The following SLC6A4 variants were observed in gnomAD, a reference collection of about 807,000 sequenced individuals.
SLC6A4 encodes the protein sodium-dependent serotonin transporter.
In SLC6A4, 22 loss-of-function variants were observed where a neutral mutation model predicts 73.4. The observed-to-expected ratio is 0.30, with a 90% CI of 0.21 to 0.43. SLC6A4 has a LOEUF of 0.43. SLC6A4 is among the 20% of genes least tolerant of loss of function. The pLI is 1.00. For synonymous variants in SLC6A4, 270 were observed against 315.5 expected, an observed-to-expected ratio of 0.86 and a Z score of 1.53; for missense variants, 593 against 808.5, an observed-to-expected ratio of 0.73 and a Z score of 3.23.
intron 1 of SLC6A4, among the ~76,000 whole-genome samples, chr17:30,233,828 C>T (rs1346289630): frequency 6.6e-6 from 1 of 152,166 alleles, no homozygotes; most frequent in Admixed American, 6.5e-5. Context: ...TAAGCTTCTT[C>T]AGGAAGCCCT....
intron 3 of SLC6A4, 70 bp from the exon 4 acceptor site, chr17:30,219,001 C>T: frequency 6.3e-7 from 1 of 1,582,262 alleles, no homozygotes; most frequent in Non-Finnish European, 8.7e-7. Flanking sequence ...CAATCTGTGA[C>T]TGAGAATCAC....
intron 3 of SLC6A4, among the ~76,000 whole-genome samples, chr17:30,220,644 C>T (rs1302190218): frequency 6.6e-6 from 1 of 152,220 alleles, no homozygotes; most frequent in Non-Finnish European, 1.5e-5. Context: ...TCTGACCTCA[C>T]ACAGGTCCAA....
chr17:30,221,761 G>C lies in SLC6A4; in HGVS notation c.198C>G (p.Thr66=), dbSNP rs1473815843. The C allele has an allele frequency of 6.2e-7, 1 of 1,614,140 alleles. No individual in the cohort carries two copies. The highest frequency in any genetic ancestry group is 1.1e-5 in the South Asian group (1 of 91,078). Residue 66 remains threonine (T), a synonymous_variant, in exon 3 of 15, where the codon ACC becomes ACG. Transcript: ENST00000650711. ...GDDTRHSIPA[T]TTTLVAELHQ... is the part of the protein sequence containing the mutation. ...GAAGCTCAGCCACTAGGGTGGTGGT[G>C]GTCGCTGGGATAGAGTGCCGTGTGT...
chr17:30,232,911 C>T (rs1027953554), intron 1 of SLC6A4, among the ~76,000 whole-genome samples: 8 of 152,310 alleles, frequency 5.3e-5, no homozygotes, highest in African/African-American at 1.9e-4. Context: ...CCTGGAAGTA[C>T]GGGGCTGTGC....
In SLC6A4 at chr17:30,222,088, GAA is replaced by G. The variant is rs1254325396; in HGVS notation, c.-123-9_-123-8del. The G allele has an allele frequency of 9.2e-5, 142 of 1,550,198 alleles. No homozygotes were observed. The highest frequency in any genetic ancestry group is 1.2e-4 in the Non-Finnish European group (137 of 1,143,894). ...TGACACGTCGGGATTGACTCTGTTG[GAA>G]AGACACACAGAGGAAGGAGAAAAAA... On this transcript the variant is annotated splice_polypyrimidine_tract_variant and splice_region_variant and intron_variant, in intron 2 of 14. Transcript: ENST00000650711.
At chr17:30,213,887 T>C (rs1240631620) in intron 8 of SLC6A4, among the ~76,000 whole-genome samples, 1 of 151,790 alleles carries the variant, frequency 6.6e-6, no homozygotes, top group Non-Finnish European at 1.5e-5. Context: ...GCTGGGACCA[T>C]AGGCATGCAC....
In SLC6A4 at chr17:30,209,861, C is replaced by T. The variant is rs549770611; in HGVS notation, c.1450-619G>A. Among the ~76,000 whole-genome samples the T allele has an allele frequency of 5.3e-5, 8 of 152,248 alleles. No individual in the cohort carries two copies. In the South Asian group the frequency reaches 1.0e-3, roughly 20 times the overall value. On this transcript the variant is annotated intron_variant, in intron 11 of 14. Coordinates refer to ENST00000650711, the MANE Select transcript of SLC6A4 (RefSeq NM_001045.6). Reference sequence around the variant, plus strand: ...ACTTATTGAACACCTGCTGTGGACACGACCCTGGAGAATCCCTGCCTCTAA... The same window carrying T: ...ACTTATTGAACACCTGCTGTGGACATGACCCTGGAGAATCCCTGCCTCTAA...
At position 30,218,193 on chromosome 17, in the gene SLC6A4, T is replaced by G; in HGVS notation, c.623A>C (p.Asn208Thr). 1 of 1,614,200 alleles carries G rather than the reference T, an allele frequency of 6.2e-7. No homozygotes were observed. Among genetic ancestry groups the G allele is most frequent in the Non-Finnish European group, 8.5e-7 (1 of 1,180,028 alleles). Residue 208 changes from asparagine to threonine, a missense_variant, in exon 5 of 15, where the codon AAC (asparagine) becomes ACC (threonine). Transcript: ENST00000650711. ...GTCCTCGGAGAAGTAATTGGTGCAG[T>G]TGCCAGTGTTCCAGGAGTTCTTGCA... The part of the protein sequence containing the change: ...TSCKNSWNTG[N>T]CTNYFSEDNI...
At chr17:30,214,554 A>G (rs1906492674) in intron 8 of SLC6A4, among the ~76,000 whole-genome samples, 1 of 151,640 alleles carries the variant, frequency 6.6e-6, no homozygotes, top group Admixed American at 6.6e-5. Context: ...TGTTAAACAC[A>G]TTGACTAGTT....
intron 1 of SLC6A4, among the ~76,000 whole-genome samples, chr17:30,226,311 C>T (rs149173864): frequency 4.6e-5 from 7 of 152,316 alleles, no homozygotes; most frequent in African/African-American, 1.7e-4. Context: ...GCTGGTGCCG[C>T]CCGAAGCAGT....
At position 30,221,989 on chromosome 17, in the gene SLC6A4, A is replaced by G. The variant is rs1464694745; in HGVS notation, c.-31T>C. On this transcript the variant is annotated 5_prime_UTR_variant, in exon 3 of 15. The change abolishes an upstream ATG in the 5' untranslated region. Transcript: ENST00000650711. ...TGGTTAGTAAATGACACTGATGTCCATCTGCCAAGGATCCCAATTGATCTC... is the reference window on the plus strand; with the variant it reads ...TGGTTAGTAAATGACACTGATGTCCGTCTGCCAAGGATCCCAATTGATCTC... 2 of 1,613,782 alleles carry G rather than the reference A, an allele frequency of 1.2e-6. No individual in the cohort carries two copies. The highest frequency in any genetic ancestry group is 2.2e-5 in the East Asian group (1 of 44,886).
At chr17:30,234,915 C>G (rs1029301457) in intron 1 of SLC6A4, among the ~76,000 whole-genome samples, 1 of 152,174 alleles carries the variant, frequency 6.6e-6, no homozygotes, top group Non-Finnish European at 1.5e-5. Context: ...AGACCCAAAT[C>G]CACTCTTGAG....
Position 30,216,837 on chromosome 17 carries a change from G to GT in SLC6A4, c.837+328dup, listed in dbSNP as rs888920681. On this transcript the variant is annotated intron_variant, in intron 6 of 14. Transcript: ENST00000650711. ...GCACCTGCCACCACACCTGGCTATT[G>GT]TTTTTTTTTGTTTGTTTGTTTGTTT... is the stretch of plus-strand genomic sequence containing the variant. Among the ~76,000 whole-genome samples the GT allele has an allele frequency of 3.0e-3, 405 of 134,798 alleles. 3 individuals carry two copies. The highest frequency in any genetic ancestry group is 8.4e-3 in the African/African-American group (324 of 38,394). The allele number at this position is 134,798 out of a possible 152,430, so 88.4% of individuals were successfully genotyped here. A position where few individuals can be genotyped will look rare whatever the true frequency, so the allele number is the denominator to read the frequency against.
chr17:30,208,858 ATT>A (rs35246799), intron 12 of SLC6A4, among the ~76,000 whole-genome samples: 1 of 144,036 alleles, frequency 6.9e-6, no homozygotes, highest in African/African-American at 2.6e-5. Flanking sequence ...TGCCCGGCTA[ATT>A]TTTTTTTTTT....
Position 30,203,325 on chromosome 17 carries a change from A to C in SLC6A4, c.1665T>G (p.Ser555Arg). ...SPLFLLFIIC[S>R]FLMSPPQLRL... is the part of the protein sequence containing the mutation. ...GTAGTTGTGGCGGGCTCATCAGAAA[A>C]CTGCAAATGATGAACTAAAACAGAA... Residue 555 changes from serine to arginine, a missense_variant, in exon 14 of 15, where the codon AGT (serine) becomes AGG (arginine). Coordinates refer to ENST00000650711, the MANE Select transcript of SLC6A4 (RefSeq NM_001045.6). 6.2e-7 allele frequency: 1 copy of C among 1,613,390 alleles called. No homozygotes were observed. Among genetic ancestry groups the C allele is most frequent in the Non-Finnish European group, 8.5e-7 (1 of 1,179,742 alleles).
chr17:30,221,412 C>T (rs988677653), intron 3 of SLC6A4, among the ~76,000 whole-genome samples: 1 of 112,510 alleles, frequency 8.9e-6, no homozygotes, highest in Non-Finnish European at 2.0e-5. Context: ...ACAGCCCACC[C>T]GGGTCACAGC....
rs1312487384 is a variant in SLC6A4 at position 30,230,104 on chromosome 17, A to AGAAGAAGAG, written c.-221+5508_-221+5509insCTCTTCTTC. 9.2e-5 allele frequency among the ~76,000 whole-genome samples: 11 copies of AGAAGAAGAG among 119,910 alleles called. No individual in the cohort carries two copies. In the East Asian group the frequency reaches 2.1e-3, roughly 22 times the overall value. 78.7% of individuals were successfully genotyped at this position (119,910 alleles called of 152,430 possible). A position where few individuals can be genotyped will look rare whatever the true frequency, so the allele number is the denominator to read the frequency against. On this transcript the variant is annotated intron_variant, in intron 1 of 14. Transcript: ENST00000650711. ...AAGAAGAAGAAGAAGAAGAGGAGGA[A>AGAAGAAGAG]GAGGAAGAGGAAGAGGAAGAGGAGG...
chr17:30,210,483 G>A lies in SLC6A4; in HGVS notation c.1449+32C>T, dbSNP rs199505595. ...GTAGCGTTCTGCTGCCCTAGGGGAG[G>A]CCAACTCAAAGCTGAGGGGCATGAT... On this transcript the variant is annotated intron_variant, in intron 11 of 14. Coordinates refer to ENST00000650711, the MANE Select transcript of SLC6A4 (RefSeq NM_001045.6). 22 of 1,604,302 alleles carry A rather than the reference G, an allele frequency of 1.4e-5. No individual in the cohort carries two copies. The African/African-American group carries it at 2.3e-4, about 17-fold the overall frequency.
At chr17:30,221,445 C>T (rs559963025) in intron 3 of SLC6A4, among the ~76,000 whole-genome samples, 171 bp downstream of exon 3, 8 of 146,584 alleles carry the variant, frequency 5.5e-5, no homozygotes, top group Non-Finnish European at 9.2e-5. Flanking sequence ...ACAGCCCACC[C>T]GGGTCACAGC....
Sources: gnomAD v4.1 joint callset for allele counts (sites outside exome capture counted in the v4.1 genomes callset) on GRCh38, gnomAD v4.1.1 for gene constraint, MANE v1.5 for transcripts, NCBI Gene and HGNC (gene_info 2026-07-23, HGNC 2026-07-21) for gene names.